ADAMTSL3: variants seen among roughly 807,000 people sequenced by gnomAD.
The protein encoded by ADAMTSL3 is ADAMTS-like protein 3.
ADAMTSL3 carries 128 observed loss-of-function variants against 201.7 expected under a neutral mutation model. The observed-to-expected ratio is 0.63, with a 90% CI of 0.55 to 0.73. The LOEUF is 0.73. Among genes scored for constraint, ADAMTSL3 ranks in the 30% least tolerant of loss-of-function variants. The pLI is 0.00. For missense variants in ADAMTSL3, 1,990 were observed against 2,119.6 expected (o/e 0.94, Z 1.20); for synonymous variants, 738 against 748.4 (o/e 0.99, Z 0.23).
rs558506007 is a variant in ADAMTSL3, at chr15:83,973,502, C to G, written c.2644+2865C>G. On this transcript the variant is annotated intron_variant, in intron 20 of 29. Coordinates refer to ENST00000286744, the MANE Select transcript of ADAMTSL3 (RefSeq NM_207517.3). ...GGGTTGGTTCCCTAGCCTGAGCCAC[C>G]AGGATTTCCTAAAGAAAATAATATC... Among the ~76,000 whole-genome samples, 13 of 152,212 alleles carry G rather than the reference C, an allele frequency of 8.5e-5. No individual in the cohort carries two copies. In the East Asian group the frequency reaches 2.5e-3, roughly 29 times the overall value.
intron 12 of ADAMTSL3, among the ~76,000 whole-genome samples, chr15:83,892,428 G>T (rs1318266286): frequency 6.6e-6 from 1 of 151,464 alleles, no homozygotes; most frequent in Non-Finnish European, 1.5e-5. Flanking sequence ...TACTAGGGAG[G>T]CTGAGGCAGG....
intron 3 of ADAMTSL3, among the ~76,000 whole-genome samples, chr15:83,755,614 A>G (rs1234707443): frequency 2.6e-5 from 4 of 152,234 alleles, no homozygotes; most frequent in Non-Finnish European, 5.9e-5. Context: ...CTGAAGCTAA[A>G]TAATATTCCA....
At chr15:83,842,202 T>G (rs913162506) in intron 7 of ADAMTSL3, among the ~76,000 whole-genome samples, 1 of 150,830 alleles carries the variant, frequency 6.6e-6, no homozygotes, top group Non-Finnish European at 1.5e-5. Context: ...ATGGTGGAGG[T>G]AGCTCTCAGC....
chr15:83,836,966 A>C (rs370361908), intron 6 of ADAMTSL3, among the ~76,000 whole-genome samples: 1 of 152,194 alleles, frequency 6.6e-6, no homozygotes, highest in African/African-American at 2.4e-5. Context: ...AGTTGATATT[A>C]TTGTTGTTTA....
chr15:83,684,224 A>G (rs1374580756), intron 2 of ADAMTSL3, among the ~76,000 whole-genome samples: 1 of 152,198 alleles, frequency 6.6e-6, no homozygotes, highest in Non-Finnish European at 1.5e-5. Context: ...AGACACACAC[A>G]TTTACCACTT....
intron 3 of ADAMTSL3, among the ~76,000 whole-genome samples, chr15:83,766,861 T>C (rs2062900174): frequency 3.3e-5 from 5 of 152,122 alleles, no homozygotes; most frequent in Admixed American, 3.3e-4. Context: ...TTGGGAGGCC[T>C]AGGCGGGCGG....
intron 23 of ADAMTSL3, among the ~76,000 whole-genome samples, chr15:84,013,472 C>A (rs980844526): frequency 1.3e-5 from 2 of 152,200 alleles, no homozygotes; most frequent in Admixed American, 1.3e-4. Context: ...TTGTCTAGAG[C>A]AATCTTGGCA....
intron 2 of ADAMTSL3, among the ~76,000 whole-genome samples, chr15:83,678,235 G>A (rs1424609089): frequency 1.3e-5 from 2 of 151,960 alleles, no homozygotes; most frequent in Non-Finnish European, 2.9e-5. Context: ...CCCATTAATT[G>A]TTGTTTCTTC....
chr15:83,958,170 G>A (rs1162744622), intron 19 of ADAMTSL3, among the ~76,000 whole-genome samples: 8 of 152,142 alleles, frequency 5.3e-5, no homozygotes, highest in South Asian at 4.1e-4. Context: ...CAGATGTCAC[G>A]AATAAATAGC....
chr15:83,943,326 C>A (rs2066598781), intron 19 of ADAMTSL3, among the ~76,000 whole-genome samples: 2 of 152,274 alleles, frequency 1.3e-5, no homozygotes, highest in African/African-American at 4.8e-5. Context: ...CATCATTCTC[C>A]CAAACCAGCC....
intron 6 of ADAMTSL3, among the ~76,000 whole-genome samples, chr15:83,835,026 A>C (rs2064236277): frequency 6.6e-6 from 1 of 152,104 alleles, no homozygotes; most frequent in Non-Finnish European, 1.5e-5. Context: ...CGAGATCAGG[A>C]GATCGAGACC....
At chr15:83,908,218 C>G (rs2401173) in intron 15 of ADAMTSL3, among the ~76,000 whole-genome samples, 95,379 of 152,050 alleles carry the variant, frequency 0.63, 31,005 homozygotes, top group African/African-American at 0.79. Context: ...AGGCCGTGTA[C>G]AATAATGCTA....
chr15:83,852,501 G>A (rs1360385303), intron 7 of ADAMTSL3, among the ~76,000 whole-genome samples: 1 of 152,180 alleles, frequency 6.6e-6, no homozygotes, highest in African/African-American at 2.4e-5. Context: ...TTTTCTCTCA[G>A]TGTTACAACA....
chr15:83,913,186 C>CAGACTG lies in ADAMTSL3; in HGVS notation c.1804_1809dup (p.Thr602_Glu603dup). The CAGACTG allele has an allele frequency of 6.2e-7, 1 of 1,614,164 alleles. No homozygotes were observed. Among genetic ancestry groups the CAGACTG allele is most frequent in the East Asian group, 2.2e-5 (1 of 44,878 alleles). On this transcript the variant is annotated inframe_insertion, in exon 16 of 30. Transcript: ENST00000286744. ...GTGCCGTGTGCTCCTCACATTCACG[C>CAGACTG]AGACTGAGACTGAGCTGCCCGAGGA...
At chr15:83,903,388 AC>A (rs1399243371) in intron 15 of ADAMTSL3, among the ~76,000 whole-genome samples, 1 of 149,610 alleles carries the variant, frequency 6.7e-6, no homozygotes, top group Non-Finnish European at 1.5e-5. Context: ...TTTTCTCATC[AC>A]CCCCCAACAT....
chr15:83,983,936 G>C lies in ADAMTSL3; in HGVS notation c.3716+592G>C, dbSNP rs180818610. Among the ~76,000 whole-genome samples, 12 of 152,208 alleles carry C rather than the reference G, an allele frequency of 7.9e-5. No homozygotes were observed. In the East Asian group the frequency reaches 2.3e-3, roughly 29 times the overall value. On this transcript the variant is annotated intron_variant, in intron 21 of 29. Transcript: ENST00000286744. ...ATACGTAGCCTTGTCAAAAGCTTGG[G>C]TATCTGAAGTAGTTTTCTATTATCA...
At chr15:83,772,673 A>G (rs2063003699) in intron 3 of ADAMTSL3, among the ~76,000 whole-genome samples, 1 of 151,204 alleles carries the variant, frequency 6.6e-6, no homozygotes, top group South Asian at 2.1e-4. Context: ...TGCCTGACAC[A>G]CAAGCAAGTC....
Position 83,987,134 on chromosome 15 carries a change from T to A in ADAMTSL3, c.3717-1557T>A, listed in dbSNP as rs560293342. Among the ~76,000 whole-genome samples the A allele has an allele frequency of 4.6e-5, 7 of 152,390 alleles. No homozygotes were observed. In the East Asian group the frequency reaches 1.3e-3, roughly 29 times the overall value. ...ATTTAATATGTTTATTTTTCATGTG[T>A]AGTCACTGGTTAGACTTTTGCTTTT... On this transcript the variant is annotated intron_variant, in intron 21 of 29. Coordinates refer to ENST00000286744, the MANE Select transcript of ADAMTSL3 (RefSeq NM_207517.3).
chr15:83,721,051 A>G (rs933066246), intron 3 of ADAMTSL3, among the ~76,000 whole-genome samples: 39 of 152,218 alleles, frequency 2.6e-4, no homozygotes, highest in Non-Finnish European at 5.4e-4. Context: ...GTTCTTCCCC[A>G]GGTTCAGATG....
Sources: gnomAD v4.1 joint callset for allele counts (sites outside exome capture counted in the v4.1 genomes callset) on GRCh38, gnomAD v4.1.1 for gene constraint, MANE v1.5 for transcripts, NCBI Gene and HGNC (gene_info 2026-07-23, HGNC 2026-07-21) for gene names.